Variants in SEMA4B observed in about 807,000 individuals in gnomAD.
The protein encoded by SEMA4B is semaphorin-4B.
SEMA4B carries 55 observed loss-of-function variants against 88.1 expected under a neutral mutation model. That is an observed-to-expected ratio of 0.62 (90% confidence interval 0.50 to 0.78). SEMA4B has a LOEUF of 0.78. SEMA4B is among the 30% of genes least tolerant of loss of function. The pLI, the probability that SEMA4B is intolerant of heterozygous loss-of-function variation, is 0.00. For missense variants in SEMA4B, 1,062 were observed against 1,111.9 expected (o/e 0.96, Z 0.64); for synonymous variants, 525 against 473.6 (o/e 1.11, Z -1.41).
chr15:90,196,994 C>T (rs964564011), upstream of SEMA4B, among the ~76,000 whole-genome samples: 2 of 152,156 alleles, frequency 1.3e-5, no homozygotes, highest in Non-Finnish European at 2.9e-5. Context: ...AGTTTCTGAT[C>T]ATTGCTTTCT....
chr15:90,223,148 A>G (rs1961951439), intron 7 of SEMA4B, among the ~76,000 whole-genome samples: 1 of 151,718 alleles, frequency 6.6e-6, no homozygotes, highest in South Asian at 2.1e-4. Flanking sequence ...TTGTATTTTT[A>G]GCAGAGACAG....
intron 1 of SEMA4B, among the ~76,000 whole-genome samples, chr15:90,214,134 G>C (rs1159161776): frequency 6.6e-6 from 1 of 152,118 alleles, no homozygotes; most frequent in African/African-American, 2.4e-5. Flanking sequence ...CTGAAGTCAG[G>C]AGTACGAGAG....
chr15:90,211,779 G>A (rs192243849), intron 1 of SEMA4B, among the ~76,000 whole-genome samples: 272 of 152,282 alleles, frequency 1.8e-3, no homozygotes, highest in South Asian at 3.9e-3. Flanking sequence ...CTCTGAGAGT[G>A]GGGGAGGCCA....
intron 1 of SEMA4B, among the ~76,000 whole-genome samples, chr15:90,210,972 CAGGT>C (rs1414338409): frequency 1.3e-5 from 2 of 152,182 alleles, no homozygotes; most frequent in African/African-American, 2.4e-5. Context: ...TGCTTTCTGA[CAGGT>C]AGAGTTGGTG....
upstream of SEMA4B, chr15:90,201,263 G>A: frequency 9.5e-7 from 1 of 1,050,598 alleles, no homozygotes; most frequent in Non-Finnish European, 1.2e-6. Flanking sequence ...CCGGGAAGGA[G>A]GAAGGGGGAA....
Position 90,228,202 on chromosome 15 carries a change from C to T in SEMA4B, c.2073C>T (p.Val691=). The part of the protein sequence containing the change: ...DQTDEGGSVP[V]IISTSRVSAP... ...CAGATGAGGGTGGCAGTGTACCCGT[C>T]ATTATCAGCACATCGCGTGTGAGTG... The change falls in exon 14 of 14, where the codon GTC becomes GTT. Residue 691 remains valine, a synonymous_variant. Transcript: ENST00000411539. The T allele has an allele frequency of 6.2e-7, 1 of 1,610,130 alleles. No individual in the cohort carries two copies. The highest frequency in any genetic ancestry group is 2.2e-5 in the East Asian group (1 of 44,810).
At chr15:90,204,122 A>G (rs1960877129) in intron 1 of SEMA4B, among the ~76,000 whole-genome samples, 1 of 152,142 alleles carries the variant, frequency 6.6e-6, no homozygotes, top group South Asian at 2.1e-4. Flanking sequence ...GGCTCATTAG[A>G]TGTTCCTGGC....
chr15:90,222,128 T>C (rs1961885693), intron 7 of SEMA4B, among the ~76,000 whole-genome samples: 1 of 151,044 alleles, frequency 6.6e-6, no homozygotes, highest in Admixed American at 6.6e-5. Flanking sequence ...TTTGTAGAGA[T>C]GGGGTTTTAC....
At chr15:90,200,666 G>A (rs899425516), upstream of SEMA4B, among the ~76,000 whole-genome samples, 1 of 152,130 alleles carries the variant, frequency 6.6e-6, no homozygotes, top group African/African-American at 2.4e-5. Flanking sequence ...GCCGGGTCAC[G>A]TGCAGGTTGT....
At chr15:90,224,877 A>G in intron 9 of SEMA4B, 91 bp from the exon 10 acceptor site, 1 of 1,070,092 alleles carries the variant, frequency 9.3e-7, no homozygotes, top group Admixed American at 1.7e-5. Context: ...GGGGGGACAG[A>G]CACCGCTACT....
intron 1 of SEMA4B, among the ~76,000 whole-genome samples, chr15:90,216,180 A>T (rs1359617054): frequency 1.3e-5 from 2 of 151,734 alleles, no homozygotes; most frequent in Non-Finnish European, 2.9e-5. Context: ...TAGAGACGGG[A>T]TCTCTCCATG....
chr15:90,219,723 G>GA, intron 3 of SEMA4B, 70 bp from the exon 4 acceptor site: 1 of 1,247,596 alleles, frequency 8.0e-7, no homozygotes. Context: ...TGTGGAAGGG[G>GA]GGGCTCGGCG....
chr15:90,189,487 T>G (rs957838518), intron 1 of SEMA4B, among the ~76,000 whole-genome samples: 1 of 152,158 alleles, frequency 6.6e-6, no homozygotes, highest in African/African-American at 2.4e-5. Flanking sequence ...GAGAATTAAG[T>G]AAATGATTGA....
rs200750620 is a variant in SEMA4B, at chr15:90,225,291, G to T, written c.1415G>T (p.Arg472Leu). The change falls in exon 11 of 14, where the codon CGG becomes CTG. Residue 472 changes from arginine (R) to leucine (L), a missense_variant. By Grantham distance (102) the Arg-to-Leu change is moderately radical. Coordinates refer to ENST00000411539, the MANE Select transcript of SEMA4B (RefSeq NM_198925.4). ...DVLFLGTGDGRLHKAVSVGPR... is the reference protein window; with the variant it reads ...DVLFLGTGDGLLHKAVSVGPR... Reference sequence around the variant, plus strand: ...CCTGTCCACACCCCAGGTGACGGCCGGCTCCACAAGGCAGTGAGCGTGGGC... The same window carrying T: ...CCTGTCCACACCCCAGGTGACGGCCTGCTCCACAAGGCAGTGAGCGTGGGC... 4.5e-6 allele frequency: 7 copies of T among 1,557,144 alleles called. No homozygotes were observed. In the Admixed American group the frequency reaches 9.7e-5, roughly 22 times the overall value.
In SEMA4B at chr15:90,228,507, G is replaced by GCC; in HGVS notation, c.2383_2384dup (p.Gly796ArgfsTer46). The GCC allele has an allele frequency of 6.2e-7, 1 of 1,610,850 alleles. No individual in the cohort carries two copies. The highest frequency in any genetic ancestry group is 8.5e-7 in the Non-Finnish European group (1 of 1,179,016). ...CGAGGGTACCAGTCCCTGTCAGACA[G>GCC]CCCCCCGGGGTCCCGAGTCTTCACT... On this transcript the variant is annotated frameshift_variant, in exon 14 of 14. Transcript: ENST00000411539. LOFTEE classifies it high-confidence loss of function.
intron 4 of SEMA4B, among the ~76,000 whole-genome samples, chr15:90,220,648 T>C (rs1314663870): frequency 6.6e-6 from 1 of 151,718 alleles, no homozygotes; most frequent in South Asian, 2.1e-4. Flanking sequence ...GGATTACAGG[T>C]GTGAGCCACC....
At chr15:90,203,632 CCCGTGA>C (rs1375270097) in intron 1 of SEMA4B, among the ~76,000 whole-genome samples, 3 of 152,318 alleles carry the variant, frequency 2.0e-5, no homozygotes, top group African/African-American at 7.2e-5. Flanking sequence ...CTTCTACAAG[CCCGTGA>C]CTGTTCCCAG....
intron 9 of SEMA4B, among the ~76,000 whole-genome samples, chr15:90,224,707 C>A (rs1345373142): frequency 1.3e-5 from 2 of 152,166 alleles, no homozygotes; most frequent in Non-Finnish European, 2.9e-5. Flanking sequence ...GTTCTTGAGG[C>A]CCCTGGGCAT....
chr15:90,186,932 CAA>C (rs1448253120), intron 1 of SEMA4B, among the ~76,000 whole-genome samples: 1 of 150,036 alleles, frequency 6.7e-6, no homozygotes, highest in Admixed American at 6.6e-5. Flanking sequence ...GACTCCGTCT[CAA>C]AAAATAATAA....
Sources: gnomAD v4.1 joint callset for allele counts (sites outside exome capture counted in the v4.1 genomes callset) on GRCh38, gnomAD v4.1.1 for gene constraint, MANE v1.5 for transcripts, NCBI Gene and HGNC (gene_info 2026-07-23, HGNC 2026-07-21) for gene names.